Variants in CHRM3 observed in about 807,000 individuals in gnomAD.
CHRM3 encodes the protein muscarinic acetylcholine receptor M3.
A neutral mutation model predicts 41.8 loss-of-function variants in CHRM3; 11 were observed. That is an observed-to-expected ratio of 0.26 (90% CI 0.17 to 0.44). The LOEUF (loss-of-function observed/expected upper bound fraction) is 0.44, where lower values mean the gene tolerates loss of function less well. Among genes scored for constraint, CHRM3 ranks in the 20% least tolerant of loss-of-function variants. CHRM3 has a pLI of 1.00. For synonymous variants in CHRM3, 297 were observed against 301.4 expected, an observed-to-expected ratio of 0.99 and a Z score of 0.15; for missense variants, 571 against 745.4, an observed-to-expected ratio of 0.77 and a Z score of 2.72.
intron 5 of CHRM3, among the ~76,000 whole-genome samples, chr1:239,701,281 G>A (rs188255306): frequency 6.6e-6 from 1 of 152,240 alleles, no homozygotes; most frequent in East Asian, 1.9e-4. Flanking sequence ...AGTTCTTCAC[G>A]GGATTGTGTG....
intron 5 of CHRM3, among the ~76,000 whole-genome samples, chr1:239,766,122 G>A (rs1667185511): frequency 6.6e-6 from 1 of 152,010 alleles, no homozygotes; most frequent in Admixed American, 6.6e-5. Flanking sequence ...CCATGCATGA[G>A]TATTTTCTTA....
intron 1 of CHRM3, among the ~76,000 whole-genome samples, chr1:239,408,610 C>G (rs1008002319): frequency 4.7e-5 from 7 of 150,520 alleles, no homozygotes; most frequent in African/African-American, 1.7e-4. Context: ...CGGACTAATA[C>G]AGCAATCAAG....
chr1:239,620,207 T>A (rs1431732229), intron 3 of CHRM3, among the ~76,000 whole-genome samples: 2 of 152,186 alleles, frequency 1.3e-5, no homozygotes, highest in Non-Finnish European at 2.9e-5. Flanking sequence ...TTACTCAATA[T>A]GACAGAGTCT....
intron 6 of CHRM3, among the ~76,000 whole-genome samples, chr1:239,887,843 G>A (rs546040012): frequency 3.4e-4 from 52 of 152,238 alleles, no homozygotes; most frequent in Middle Eastern, 3.4e-3. Context: ...AGGGATAGTG[G>A]AGCAATGGTG....
chr1:239,816,165 G>A (rs1467904974), intron 5 of CHRM3, among the ~76,000 whole-genome samples: 1 of 152,230 alleles, frequency 6.6e-6, no homozygotes, highest in Middle Eastern at 3.4e-3. Flanking sequence ...AGCTGGCAGA[G>A]CTTCTGAGCT....
chr1:239,743,575 A>G (rs555922021), intron 5 of CHRM3, among the ~76,000 whole-genome samples: 1 of 152,154 alleles, frequency 6.6e-6, no homozygotes, highest in Admixed American at 6.5e-5. Context: ...TGAGTATTTC[A>G]GTTCTTCCAC....
intron 6 of CHRM3, among the ~76,000 whole-genome samples, chr1:239,876,230 CAATT>C (rs1677098445): frequency 6.6e-6 from 1 of 152,184 alleles, no homozygotes; most frequent in Non-Finnish European, 1.5e-5. Flanking sequence ...TATAACTGAA[CAATT>C]AATTATACAC....
intron 1 of CHRM3, among the ~76,000 whole-genome samples, chr1:239,391,907 G>C (rs1467963662): frequency 1.3e-5 from 2 of 152,178 alleles, no homozygotes; most frequent in African/African-American, 4.8e-5. Flanking sequence ...TGGCCCTTCT[G>C]ATTCCACAAC....
At chr1:239,654,074 A>C (rs1041778341) in intron 4 of CHRM3, among the ~76,000 whole-genome samples, 1 of 152,094 alleles carries the variant, frequency 6.6e-6, no homozygotes, top group Non-Finnish European at 1.5e-5. Context: ...CAGTCCTCCC[A>C]TGTCAGCCTC....
At chr1:239,522,539 C>G (rs532810529) in intron 2 of CHRM3, among the ~76,000 whole-genome samples, 6 of 152,212 alleles carry the variant, frequency 3.9e-5, no homozygotes, top group Non-Finnish European at 8.8e-5. Context: ...TTTTAAGCTA[C>G]CACCTTTTGG....
chr1:239,820,029 C>T (rs574834859), intron 5 of CHRM3, among the ~76,000 whole-genome samples: 6 of 152,276 alleles, frequency 3.9e-5, no homozygotes, highest in East Asian at 1.9e-4. Flanking sequence ...TTTACCATGT[C>T]GGTGAGAGCT....
At chr1:239,422,278 G>T (rs892288517) in intron 1 of CHRM3, among the ~76,000 whole-genome samples, 19 of 152,120 alleles carry the variant, frequency 1.2e-4, no homozygotes, top group Admixed American at 6.5e-5. Context: ...TTTATTTTGT[G>T]CAGTAACTTA....
intron 3 of CHRM3, among the ~76,000 whole-genome samples, chr1:239,602,110 G>GTA (rs1186014237): frequency 2.2e-3 from 248 of 112,816 alleles, no homozygotes; most frequent in South Asian, 0.019. Flanking sequence ...GTGTGTGTGT[G>GTA]TATATATATA....
intron 6 of CHRM3, among the ~76,000 whole-genome samples, chr1:239,865,683 T>A (rs541219957): frequency 2.0e-5 from 3 of 152,178 alleles, no homozygotes; most frequent in African/African-American, 4.8e-5. Flanking sequence ...AGACCAAGAA[T>A]CAAGGGTAGC....
chr1:239,471,962 G>A (rs1020170935), intron 1 of CHRM3, among the ~76,000 whole-genome samples: 2 of 151,658 alleles, frequency 1.3e-5, no homozygotes, highest in African/African-American at 2.4e-5. Flanking sequence ...TTTTTTTTTT[G>A]TTGTTGTTAT....
chr1:239,404,416 A>AAGAAAGAAAG (rs1558195815), intron 1 of CHRM3, among the ~76,000 whole-genome samples: 5 of 78,476 alleles, frequency 6.4e-5, no homozygotes, highest in African/African-American at 2.2e-4. Flanking sequence ...AAGAAAAAGA[A>AAGAAAGAAAG]AGAAAGAAAG....
chr1:239,684,710 G>A, intron 5 of CHRM3, among the ~76,000 whole-genome samples: 1 of 128,668 alleles, frequency 7.8e-6, no homozygotes, highest in Admixed American at 7.9e-5. Flanking sequence ...AGAGAGAGAG[G>A]AAAGAAGAAA....
intron 6 of CHRM3, among the ~76,000 whole-genome samples, chr1:239,894,724 C>T (rs1171409248): frequency 1.3e-5 from 2 of 151,692 alleles, no homozygotes; most frequent in South Asian, 4.2e-4. Context: ...TGAGCCACCG[C>T]GCCCGACCGA....
At chr1:239,511,795 A>G (rs1201769648) in intron 2 of CHRM3, among the ~76,000 whole-genome samples, 1 of 152,228 alleles carries the variant, frequency 6.6e-6, no homozygotes, top group Non-Finnish European at 1.5e-5. Flanking sequence ...ATTGAGATGA[A>G]AAGTGCAGAA....
Sources: allele counts gnomAD v4.1 joint callset (sites outside exome capture counted in the v4.1 genomes callset), GRCh38; gene constraint gnomAD v4.1.1; transcripts MANE v1.5; gene names NCBI Gene and HGNC (gene_info 2026-07-23, HGNC 2026-07-21).